Variants in COL5A2 observed in about 807,000 individuals in gnomAD.
COL5A2 encodes the protein collagen alpha-2(V) chain.
COL5A2 carries 23 observed loss-of-function variants against 208.2 expected under a neutral mutation model. The ratio of observed to expected loss-of-function variants is 0.11; its 90% CI spans 0.08 to 0.16. COL5A2 has a LOEUF of 0.16. Among genes scored for constraint, COL5A2 ranks in the 10% least tolerant of loss-of-function variants. The probability of loss-of-function intolerance (pLI) is 1.00; values close to 1 mark genes in which losing one functional copy is unlikely to be tolerated. For missense variants in COL5A2, 1,590 were observed against 1,956.4 expected, an observed-to-expected ratio of 0.81 and a Z score of 3.53; for synonymous variants, 625 against 628.5, an observed-to-expected ratio of 0.99 and a Z score of 0.08.
chr2:189,093,637 T>C (rs974982331), intron 6 of COL5A2, among the ~76,000 whole-genome samples: 5 of 152,220 alleles, frequency 3.3e-5, no homozygotes, highest in African/African-American at 9.6e-5. Context: ...ATCTATTAAA[T>C]AGAAGTAGAA....
intron 38 of COL5A2, 33 bp from the exon 39 acceptor site, chr2:189,053,051 A>T (rs1384657382): frequency 1.3e-6 from 2 of 1,505,368 alleles, no homozygotes; most frequent in East Asian, 2.3e-5. Context: ...GCAATTGATT[A>T]TAAGACTTAT....
At chr2:189,345,022 T>G in the COL5A2 span, among the ~76,000 whole-genome samples, 14 of 152,174 alleles carry the variant, frequency 9.2e-5, no homozygotes, top group Non-Finnish European at 2.1e-4. Context: ...GAAAAAGGCT[T>G]TATGCATGTG....
At chr2:189,386,190 C>T in the COL5A2 span, among the ~76,000 whole-genome samples, 2 of 152,150 alleles carry the variant, frequency 1.3e-5, no homozygotes, top group Non-Finnish European at 2.9e-5. Flanking sequence ...GGTGGGGACA[C>T]AGCCAAACTT....
At chr2:189,222,149 G>C (rs1237193055) in intron 1 of COL5A2, among the ~76,000 whole-genome samples, 1 of 152,148 alleles carries the variant, frequency 6.6e-6, no homozygotes, top group East Asian at 1.9e-4. Context: ...TTCTCAAACA[G>C]ATGCTAATTA....
chr2:189,200,160 C>T (rs1205756885), intron 1 of COL5A2, among the ~76,000 whole-genome samples: 3 of 152,122 alleles, frequency 2.0e-5, no homozygotes, highest in Non-Finnish European at 2.9e-5. Flanking sequence ...TCTGTACCAT[C>T]TTTTTGGTCT....
the COL5A2 span, among the ~76,000 whole-genome samples, chr2:189,245,906 T>C: frequency 2.0e-5 from 3 of 152,208 alleles, no homozygotes; most frequent in African/African-American, 4.8e-5. Flanking sequence ...GCTGGAGAAA[T>C]TCATGGTATA....
chr2:189,293,898 A>G, the COL5A2 span, among the ~76,000 whole-genome samples: 1 of 152,162 alleles, frequency 6.6e-6, no homozygotes, highest in Admixed American at 6.5e-5. Context: ...ATCCTGGCTA[A>G]CACGGTGAAA....
At chr2:189,433,896 C>T in the COL5A2 span, among the ~76,000 whole-genome samples, 2 of 152,306 alleles carry the variant, frequency 1.3e-5, no homozygotes, top group East Asian at 1.9e-4. Flanking sequence ...GAATTTTAGA[C>T]TAATATCCCT....
chr2:189,088,858 GA>G (rs1686722228), intron 7 of COL5A2, 86 bp from the exon 8 acceptor site: 2 of 1,026,612 alleles, frequency 1.9e-6, no homozygotes, highest in African/African-American at 3.1e-5. Flanking sequence ...ACACTCTCTA[GA>G]ATTCTTATAG....
At chr2:189,191,742 T>C (rs757234203) in intron 1 of COL5A2, among the ~76,000 whole-genome samples, 8 of 152,234 alleles carry the variant, frequency 5.3e-5, no homozygotes, top group Non-Finnish European at 1.2e-4. Context: ...TTCAAGATAA[T>C]GTATATATTT....
chr2:189,173,740 C>T (rs926049608), intron 1 of COL5A2, among the ~76,000 whole-genome samples: 1 of 152,082 alleles, frequency 6.6e-6, no homozygotes, highest in African/African-American at 2.4e-5. Flanking sequence ...TCTCGTGCTA[C>T]ATTTTTAGTG....
the COL5A2 span, among the ~76,000 whole-genome samples, chr2:189,429,796 C>A: frequency 0.027 from 4,055 of 152,214 alleles, 72 homozygotes; most frequent in Admixed American, 0.044. Context: ...GACATTCTAT[C>A]TTCAGGTATT....
rs560933602 is a variant in COL5A2 at position 189,153,667 on chromosome 2, G to A, written c.97+25841C>T. Among the ~76,000 whole-genome samples, 3 of 152,130 alleles carry A rather than the reference G, an allele frequency of 2.0e-5. 1 individual carries two copies. The South Asian group carries it at 6.2e-4, about 32-fold the overall frequency. The stretch of plus-strand genomic sequence containing the variant: ...GCTTTTACTACATGTAATTACTGGG[G>A]CTCTAAAGTTTGTTCTCTTGGCTCA... On this transcript the variant is annotated intron_variant, in intron 1 of 53. Coordinates refer to ENST00000374866, the MANE Select transcript of COL5A2 (RefSeq NM_000393.5).
rs747651894 is a variant in COL5A2 at position 189,075,405 on chromosome 2, T to A, written c.1092A>T (p.Lys364Asn). The A allele has an allele frequency of 6.2e-7, 1 of 1,604,122 alleles. No individual in the cohort carries two copies. The highest frequency in any genetic ancestry group is 8.5e-7 in the Non-Finnish European group (1 of 1,171,578). Residue 364 changes from lysine (K) to asparagine (N), a missense_variant, in exon 17 of 54, where the codon AAA (lysine) becomes AAT (asparagine). Coordinates refer to ENST00000374866, the MANE Select transcript of COL5A2 (RefSeq NM_000393.5). ...TAATATAACTCACCATTGGTCCAGG[T>A]TTTCCAGGCATACCATGTGCACCTC... ...GQRGAHGMPG[K>N]PGPMGPLGIP... is the part of the protein sequence containing the mutation.
intron 25 of COL5A2, 75 bp from the exon 26 acceptor site, chr2:189,064,108 T>G: frequency 8.3e-7 from 1 of 1,209,588 alleles, no homozygotes; most frequent in Non-Finnish European, 1.2e-6. Flanking sequence ...GTAAAAATAG[T>G]GTTGCATTTT....
chr2:189,301,159 C>A, the COL5A2 span, among the ~76,000 whole-genome samples: 1 of 151,940 alleles, frequency 6.6e-6, no homozygotes, highest in African/African-American at 2.4e-5. Flanking sequence ...TTCACTCCAG[C>A]CTGGGTGACA....
At chr2:189,224,451 G>A (rs1002082970) in intron 1 of COL5A2, among the ~76,000 whole-genome samples, 1 of 152,106 alleles carries the variant, frequency 6.6e-6, no homozygotes, top group Admixed American at 6.5e-5. Context: ...TACCTTGGGA[G>A]GCTGAGGCGG....
At chr2:189,318,632 CA>C in the COL5A2 span, among the ~76,000 whole-genome samples, 1 of 152,182 alleles carries the variant, frequency 6.6e-6, no homozygotes, top group Non-Finnish European at 1.5e-5. Flanking sequence ...GGTATTTTGA[CA>C]AAGCCATTTT....
chr2:189,069,160 T>C (rs1320779289), intron 18 of COL5A2, among the ~76,000 whole-genome samples: 1 of 152,084 alleles, frequency 6.6e-6, no homozygotes, highest in African/African-American at 2.4e-5. Context: ...TTAAGTTCCC[T>C]CTCCTCTGAA....
Sources: gnomAD v4.1 joint callset for allele counts (sites outside exome capture counted in the v4.1 genomes callset) on GRCh38, gnomAD v4.1.1 for gene constraint, MANE v1.5 for transcripts, NCBI Gene and HGNC (gene_info 2026-07-23, HGNC 2026-07-21) for gene names.